Variants in SPMIP8 observed in about 807,000 individuals in gnomAD.
SPMIP8 encodes testicular tissue protein Li 196.
the SPMIP8 span, chr16:57,984,626 G>T: frequency 6.4e-7 from 1 of 1,563,378 alleles, no homozygotes; most frequent in East Asian, 2.3e-5. Context: ...GACCCCCGTG[G>T]CCCTGTCAGG....
the SPMIP8 span, chr16:57,984,226 T>C: frequency 6.7e-7 from 1 of 1,493,114 alleles, no homozygotes; most frequent in African/African-American, 1.4e-5. Context: ...TAAAGTACAG[T>C]GTGGGCCAAA....
the SPMIP8 span, chr16:57,984,937 A>T: frequency 1.1e-5 from 14 of 1,312,322 alleles, no homozygotes; most frequent in East Asian, 7.8e-5. Flanking sequence ...CGCTGAGATG[A>T]AGCTGTGGCA....
the SPMIP8 span, among the ~76,000 whole-genome samples, chr16:57,983,754 G>A: frequency 6.6e-6 from 1 of 152,144 alleles, no homozygotes. Flanking sequence ...TGGGACTACA[G>A]TCGCGTGCCA....
At chr16:57,981,417 A>G in the SPMIP8 span, among the ~76,000 whole-genome samples, 7 of 136,054 alleles carry the variant, frequency 5.1e-5, no homozygotes, top group Non-Finnish European at 1.1e-4. Flanking sequence ...AATAATAATT[A>G]TTATTATTAT....
At chr16:57,977,931 C>T in the SPMIP8 span, 23 of 1,614,052 alleles carry the variant, frequency 1.4e-5, no homozygotes, top group Non-Finnish European at 1.9e-5. Context: ...GGGCGTGAAG[C>T]AGCAGCTCTA....
At chr16:57,977,090 G>C in the SPMIP8 span, among the ~76,000 whole-genome samples, 2 of 152,096 alleles carry the variant, frequency 1.3e-5, no homozygotes, top group African/African-American at 2.4e-5. Context: ...GAACCCGCTT[G>C]CTGCTGCACT....
At chr16:57,985,581 T>C in the SPMIP8 span, 1 of 1,563,172 alleles carries the variant, frequency 6.4e-7, no homozygotes. Flanking sequence ...ACCCCATATC[T>C]GGAGGAGGGA....
chr16:57,983,833 G>A, the SPMIP8 span, among the ~76,000 whole-genome samples: 5 of 152,238 alleles, frequency 3.3e-5, no homozygotes, highest in African/African-American at 1.2e-4. Flanking sequence ...GGCTGGTCTC[G>A]AACTCCTGAG....
the SPMIP8 span, chr16:57,985,691 T>G: frequency 8.0e-7 from 1 of 1,248,926 alleles, no homozygotes; most frequent in Non-Finnish European, 1.1e-6. Context: ...CAAATTGCAA[T>G]TTCAAATGAA....
At chr16:57,984,497 C>T in the SPMIP8 span, 567 of 1,511,766 alleles carry the variant, frequency 3.8e-4, 6 homozygotes, top group South Asian at 4.5e-3. Flanking sequence ...TCACCCCATC[C>T]GGGTTCACGA....
chr16:57,985,965 C>T, the SPMIP8 span: 1 of 1,597,504 alleles, frequency 6.3e-7, no homozygotes, highest in Admixed American at 1.8e-5. Context: ...CCTGTCCCGC[C>T]CCACAGCCAA....
At chr16:57,987,820 T>A in the SPMIP8 span, 7 of 194,810 alleles carry the variant, frequency 3.6e-5, no homozygotes, top group African/African-American at 1.4e-4. Context: ...CCCCTCCATT[T>A]CAGATCCTGA....
the SPMIP8 span, chr16:57,985,204 A>C: frequency 1.3e-6 from 2 of 1,528,986 alleles, no homozygotes; most frequent in African/African-American, 2.8e-5. Flanking sequence ...TTCTGTTCGC[A>C]GCGGAGGGTC....
chr16:57,984,169 G>A, the SPMIP8 span: 1 of 801,750 alleles, frequency 1.2e-6, no homozygotes, highest in South Asian at 1.5e-5. Flanking sequence ...CTCCTGAAGT[G>A]CTGGGATTAC....
chr16:57,976,609 C>A, the SPMIP8 span: 3 of 1,614,080 alleles, frequency 1.9e-6, no homozygotes, highest in Non-Finnish European at 2.5e-6. Context: ...TGGGCCTGGG[C>A]CCTACAGATA....
the SPMIP8 span, chr16:57,977,714 G>C: frequency 3.8e-6 from 5 of 1,301,026 alleles, no homozygotes; most frequent in East Asian, 9.3e-5. Flanking sequence ...TAAATGTTTG[G>C]CAAGTAGACA....
chr16:57,987,976 G>T, the SPMIP8 span: 1 of 152,858 alleles, frequency 6.5e-6, no homozygotes, highest in Non-Finnish European at 1.5e-5. Flanking sequence ...GGCAAGGGGA[G>T]CTGGCCAGGC....
the SPMIP8 span, chr16:57,985,634 C>T: frequency 2.1e-5 from 31 of 1,488,938 alleles, no homozygotes; most frequent in Admixed American, 2.4e-4. Flanking sequence ...GGCAATGCCC[C>T]TTGAAAACGT....
the SPMIP8 span, among the ~76,000 whole-genome samples, chr16:57,981,431 T>TATAATAATTATTATTATTATAATA: frequency 6.0e-5 from 8 of 133,128 alleles, no homozygotes; most frequent in East Asian, 8.6e-4. Flanking sequence ...TTATTATTAT[T>TATAATAATTATTATTATTATAATA]ATAATTTGGT....
Sources: allele counts gnomAD v4.1 joint callset (sites outside exome capture counted in the v4.1 genomes callset), GRCh38; gene constraint gnomAD v4.1.1; transcripts MANE v1.5; gene names NCBI Gene and HGNC (gene_info 2026-07-23, HGNC 2026-07-21).